DMXL1: variants seen among roughly 807,000 people sequenced by gnomAD.
DMXL1 encodes the protein dmX-like protein 1.
Under a neutral mutation model 319.2 loss-of-function variants are expected in DMXL1, and 99 were observed. The ratio of observed to expected loss-of-function variants is 0.31; its 90% confidence interval spans 0.26 to 0.37. DMXL1 has a LOEUF of 0.37. Among genes scored for constraint, DMXL1 ranks in the 10% least tolerant of loss-of-function variants. The probability of loss-of-function intolerance (pLI) is 1.00; values close to 1 mark genes in which losing one functional copy is unlikely to be tolerated. For synonymous variants in DMXL1, 1,385 were observed against 1,235.2 expected (o/e 1.12, Z -2.54); for missense variants, 3,745 against 3,595.6 (o/e 1.04, Z -1.06).
chr5:119,238,337 C>T (rs1177092245), intron 40 of DMXL1, among the ~76,000 whole-genome samples: 1 of 151,840 alleles, frequency 6.6e-6, no homozygotes, highest in Non-Finnish European at 1.5e-5. Context: ...TAAAAAAAAT[C>T]ATTTTTTATT....
intron 43 of DMXL1, among the ~76,000 whole-genome samples, chr5:119,246,247 G>C (rs1358440825): frequency 6.6e-6 from 1 of 152,144 alleles, no homozygotes; most frequent in Non-Finnish European, 1.5e-5. Flanking sequence ...GGGCCTCTAG[G>C]TGTCAAGTAC....
intron 9 of DMXL1, among the ~76,000 whole-genome samples, chr5:119,128,603 T>C (rs1312589290): frequency 6.6e-6 from 1 of 152,158 alleles, no homozygotes; most frequent in Admixed American, 6.5e-5. Flanking sequence ...CTGTAGACGT[T>C]GGGTGATAGT....
chr5:119,228,079 C>A (rs2150641292), intron 38 of DMXL1, among the ~76,000 whole-genome samples: 1 of 152,292 alleles, frequency 6.6e-6, no homozygotes, highest in Non-Finnish European at 1.5e-5. Flanking sequence ...AGATTTTCTT[C>A]AATAAGTTAT....
chr5:119,103,416 ATTTC>A (rs1458417263), intron 3 of DMXL1, among the ~76,000 whole-genome samples: 1 of 152,132 alleles, frequency 6.6e-6, no homozygotes, highest in Admixed American at 6.5e-5. Context: ...TGCAGCCATT[ATTTC>A]TTCTTTTTAT....
chr5:119,089,263 CATATATATATATACATAT>C lies in DMXL1; in HGVS notation c.88-8703_88-8686del, dbSNP rs1561549455. Among the ~76,000 whole-genome samples, 37 of 80,892 alleles carry C rather than the reference CATATATATATATACATAT, an allele frequency of 4.6e-4. No individual in the cohort carries two copies. In the East Asian group the frequency reaches 7.3e-3, roughly 16 times the overall value. 53.1% of individuals were successfully genotyped at this position (80,892 alleles called of 152,430 possible). ...ACAAATTGGAGCTCCATTATATATG[CATATATATATATACATAT>C]ATATATATATATTTTTTTTTTTTTT... On this transcript the variant is annotated intron_variant, in intron 1 of 43. Transcript: ENST00000539542.
chr5:119,081,543 G>C, intron 1 of DMXL1: 1 of 984,120 alleles, frequency 1.0e-6, no homozygotes, highest in African/African-American at 1.7e-5. Flanking sequence ...GGTATATATA[G>C]TTGGCTTCTG....
chr5:119,189,896 A>G lies in DMXL1; in HGVS notation c.7314+10A>G. 6.2e-7 allele frequency: 1 copy of G among 1,608,620 alleles called. No individual in the cohort carries two copies. The highest frequency in any genetic ancestry group is 1.7e-4 in the Middle Eastern group (1 of 6,046). On this transcript the variant is annotated intron_variant, in intron 29 of 43. Transcript: ENST00000539542. ...CTATTTCATAGCTAAGGTAATTAAA[A>G]TGCTATCTAGATCAATATTTTCATA...
rs547879844 is a variant in DMXL1 at position 119,105,820 on chromosome 5, C to T, written c.364+562C>T. Reference sequence around the variant, plus strand: ...GCTGAGGCTAGAGAATCGTTTGAACCTGGAAGGTGGAGGTTGCAGTGAGCT... The same window carrying T: ...GCTGAGGCTAGAGAATCGTTTGAACTTGGAAGGTGGAGGTTGCAGTGAGCT... On this transcript the variant is annotated intron_variant, in intron 4 of 43. Transcript: ENST00000539542. 6.4e-4 allele frequency among the ~76,000 whole-genome samples: 96 copies of T among 151,128 alleles called. 1 individual carries two copies. Among genetic ancestry groups the T allele is most frequent in the African/African-American group, 2.2e-3 (92 of 41,098 alleles).
intron 2 of DMXL1, among the ~76,000 whole-genome samples, chr5:119,099,902 G>A (rs542198799): frequency 1.4e-4 from 22 of 152,174 alleles, no homozygotes; most frequent in Non-Finnish European, 3.2e-4. Context: ...CCGGGAAGCT[G>A]AGGCGGGAGA....
At chr5:119,195,584 G>A (rs866044985) in intron 30 of DMXL1, among the ~76,000 whole-genome samples, 3 of 152,144 alleles carry the variant, frequency 2.0e-5, no homozygotes, top group South Asian at 4.1e-4. Context: ...GTGGTGGGGG[G>A]AGAATGGGGA....
At chr5:119,221,807 A>G (rs1581409383) in intron 37 of DMXL1, among the ~76,000 whole-genome samples, 1 of 150,274 alleles carries the variant, frequency 6.7e-6, no homozygotes, top group Non-Finnish European at 1.5e-5. Flanking sequence ...AACAAAAACA[A>G]TATATAATTT....
chr5:119,131,347 T>TA (rs1764851719), intron 10 of DMXL1, among the ~76,000 whole-genome samples: 1 of 152,190 alleles, frequency 6.6e-6, no homozygotes, highest in Non-Finnish European at 1.5e-5. Context: ...GATAAGTTGA[T>TA]ACACAGTTTA....
rs1279129542 is a variant in DMXL1 at position 119,205,962 on chromosome 5, G to A, written c.7864-872G>A. On this transcript the variant is annotated intron_variant, in intron 33 of 43. Transcript: ENST00000539542. Reference sequence around the variant, plus strand: ...GTATTTTGGATGGCAGGTGATGGGAGAGTATTCTGAGAACTGCTCTTTCTT... The same window carrying A: ...GTATTTTGGATGGCAGGTGATGGGAAAGTATTCTGAGAACTGCTCTTTCTT... 2.0e-5 allele frequency among the ~76,000 whole-genome samples: 3 copies of A among 152,156 alleles called. No individual in the cohort carries two copies. The South Asian group carries it at 6.2e-4, about 32-fold the overall frequency.
chr5:119,084,030 C>G (rs905212720), intron 1 of DMXL1, among the ~76,000 whole-genome samples: 1 of 152,052 alleles, frequency 6.6e-6, no homozygotes, highest in Admixed American at 6.5e-5. Flanking sequence ...TTGCATTTTC[C>G]TGATGATTTG....
At position 119,167,584 on chromosome 5, in the gene DMXL1, A is replaced by G; in HGVS notation, c.5137-19A>G. 1 of 1,537,238 alleles carries G rather than the reference A, an allele frequency of 6.5e-7. No homozygotes were observed. The highest frequency in any genetic ancestry group is 8.7e-7 in the Non-Finnish European group (1 of 1,142,876). Reference sequence around the variant, plus strand: ...GAAACCTGCTCCTGCTTATTTAAAAACAATATTTTTTTTTAAAGGTATGTC... The same window carrying G: ...GAAACCTGCTCCTGCTTATTTAAAAGCAATATTTTTTTTTAAAGGTATGTC... On this transcript the variant is annotated intron_variant, in intron 22 of 43. Coordinates refer to ENST00000539542, the MANE Select transcript of DMXL1 (RefSeq NM_001290321.3).
rs117672924 is a variant in DMXL1, at chr5:119,091,490, G to A, written c.88-6489G>A. Reference sequence around the variant, plus strand: ...GCCTCCCAGTGTTGGGATTACAGGCGTGATCCACTGTGCTTGGCCTGCTGT... The same window carrying A: ...GCCTCCCAGTGTTGGGATTACAGGCATGATCCACTGTGCTTGGCCTGCTGT... On this transcript the variant is annotated intron_variant, in intron 1 of 43. Transcript: ENST00000539542. Among the ~76,000 whole-genome samples, 279 of 152,326 alleles carry A rather than the reference G, an allele frequency of 1.8e-3. 6 individuals are homozygous for A. The South Asian group carries it at 0.032, about 18-fold the overall frequency.
chr5:119,118,693 A>G (rs1009108191), intron 7 of DMXL1, 122 bp from the exon 8 acceptor site: 1 of 713,596 alleles, frequency 1.4e-6, no homozygotes. Flanking sequence ...ATCTGTACAT[A>G]TTGATATTTT....
At chr5:119,124,860 C>A (rs997155231) in intron 9 of DMXL1, among the ~76,000 whole-genome samples, 1 of 152,036 alleles carries the variant, frequency 6.6e-6, no homozygotes, top group Non-Finnish European at 1.5e-5. Context: ...AGTCACTGCA[C>A]CCAACCAACA....
chr5:119,241,422 C>T (rs1373356175), intron 42 of DMXL1, among the ~76,000 whole-genome samples: 1 of 150,970 alleles, frequency 6.6e-6, no homozygotes, highest in East Asian at 2.0e-4. Context: ...GTAGTCCTAG[C>T]TACTTGGGAG....
Sources: allele counts gnomAD v4.1 joint callset (sites outside exome capture counted in the v4.1 genomes callset), GRCh38; gene constraint gnomAD v4.1.1; transcripts MANE v1.5; gene names NCBI Gene and HGNC (gene_info 2026-07-23, HGNC 2026-07-21).